Variants in HCN1 observed in about 807,000 individuals in gnomAD.
HCN1 encodes hyperpolarization activated cyclic nucleotide gated potassium channel 1, also known as potassium/sodium hyperpolarization-activated cyclic nucleotide-gated channel 1.
HCN1 carries 13 observed loss-of-function variants against 78.9 expected under a neutral mutation model. The observed-to-expected ratio is 0.16, with a 90% CI of 0.11 to 0.26. The LOEUF (loss-of-function observed/expected upper bound fraction) is 0.26, where lower values mean the gene tolerates loss of function less well. Among genes scored for constraint, HCN1 ranks in the 10% least tolerant of loss-of-function variants. HCN1 has a pLI of 1.00. For synonymous variants in HCN1, 552 were observed against 455.5 expected (o/e 1.21, Z -2.70); for missense variants, 810 against 1,154.3 (o/e 0.70, Z 4.32).
chr5:45,639,759 T>C (rs1745419109), intron 2 of HCN1, among the ~76,000 whole-genome samples: 1 of 152,160 alleles, frequency 6.6e-6, no homozygotes, highest in Non-Finnish European at 1.5e-5. Flanking sequence ...TACAAAAAAA[T>C]GCGAGGAAGT....
chr5:45,577,673 C>G (rs1341999947), intron 2 of HCN1, among the ~76,000 whole-genome samples: 1 of 151,774 alleles, frequency 6.6e-6, no homozygotes, highest in Non-Finnish European at 1.5e-5. Flanking sequence ...GTTATTTTAA[C>G]AACTATATAA....
intron 3 of HCN1, among the ~76,000 whole-genome samples, chr5:45,441,523 T>C (rs939818174): frequency 1.3e-5 from 2 of 152,178 alleles, no homozygotes; most frequent in African/African-American, 4.8e-5. Context: ...GAAGGGGTGT[T>C]ATACCTTGCA....
At chr5:45,373,830 ATCTATAATATATTACATACGGTATATACG>A in intron 4 of HCN1, among the ~76,000 whole-genome samples, 2 of 130,408 alleles carry the variant, frequency 1.5e-5, no homozygotes, top group African/African-American at 5.9e-5. Context: ...TATATACGTC[ATCTATAATATATTACATACGGTATATACG>A]TCATCTATAA....
intron 6 of HCN1, among the ~76,000 whole-genome samples, chr5:45,297,321 G>T (rs937619127): frequency 6.6e-6 from 1 of 152,052 alleles, no homozygotes; most frequent in Non-Finnish European, 1.5e-5. Context: ...GGTGTTCCTT[G>T]TCCTCATTCC....
chr5:45,523,730 C>CT (rs1211212617), intron 2 of HCN1, among the ~76,000 whole-genome samples: 1 of 151,942 alleles, frequency 6.6e-6, no homozygotes, highest in Non-Finnish European at 1.5e-5. Flanking sequence ...TTGTAAATTT[C>CT]TTTGAGTTCA....
chr5:45,658,758 C>A (rs1460299054), intron 1 of HCN1, among the ~76,000 whole-genome samples: 1 of 152,164 alleles, frequency 6.6e-6, no homozygotes, highest in African/African-American at 2.4e-5. Context: ...GCTTAAAAAA[C>A]GGCGCACCAC....
rs1419183053 is a variant in HCN1, at chr5:45,396,473, G to A, written c.1230+19C>T. ...AGGTTAGCTGGTTAAAGACATTGGC[G>A]ATAAATAAAACAAATTACCTTCTCT... is the stretch of plus-strand genomic sequence containing the variant. On this transcript the variant is annotated intron_variant, in intron 4 of 7. Coordinates refer to ENST00000303230, the MANE Select transcript of HCN1 (RefSeq NM_021072.4). 25 of 1,600,662 alleles carry A rather than the reference G, an allele frequency of 1.6e-5. No individual in the cohort carries two copies. The highest frequency in any genetic ancestry group is 2.7e-5 in the African/African-American group (2 of 74,524).
At chr5:45,455,760 CAAAAAAAAAAA>C (rs571706502) in intron 3 of HCN1, among the ~76,000 whole-genome samples, 173 of 59,846 alleles carry the variant, frequency 2.9e-3, no homozygotes, top group Non-Finnish European at 4.7e-3. Flanking sequence ...TTCTGGAACT[CAAAAAAAAAAA>C]AAAAAAAAAA....
chr5:45,372,116 T>TATATATTATATATATATAATATAATA (rs1747396824), intron 4 of HCN1, among the ~76,000 whole-genome samples: 1 of 51,608 alleles, frequency 1.9e-5, no homozygotes, highest in African/African-American at 1.1e-4. Flanking sequence ...ATAATATAAT[T>TATATATTATATATATATAATATAATA]ATATATTATA....
At chr5:45,481,703 C>T (rs764180567) in intron 2 of HCN1, among the ~76,000 whole-genome samples, 19 of 152,142 alleles carry the variant, frequency 1.2e-4, no homozygotes, top group Non-Finnish European at 2.4e-4. Context: ...GACAGACTGG[C>T]TTTCCTCTCT....
chr5:45,309,243 C>T (rs187673666), intron 5 of HCN1, among the ~76,000 whole-genome samples: 2 of 152,238 alleles, frequency 1.3e-5, no homozygotes, highest in Admixed American at 6.6e-5. Flanking sequence ...ACTGAAGTTG[C>T]TTATCAGCTG....
chr5:45,446,377 T>C (rs1411311367), intron 3 of HCN1, among the ~76,000 whole-genome samples: 1 of 152,088 alleles, frequency 6.6e-6, no homozygotes, highest in African/African-American at 2.4e-5. Context: ...CCAAGAAATA[T>C]GGGACTATGT....
At chr5:45,507,921 A>G (rs1050601727) in intron 2 of HCN1, among the ~76,000 whole-genome samples, 3 of 152,116 alleles carry the variant, frequency 2.0e-5, no homozygotes, top group Non-Finnish European at 2.9e-5. Flanking sequence ...TTTCTGACTT[A>G]AAGAGACATA....
At chr5:45,531,517 T>C (rs1363744568) in intron 2 of HCN1, among the ~76,000 whole-genome samples, 1 of 152,152 alleles carries the variant, frequency 6.6e-6, no homozygotes, top group African/African-American at 2.4e-5. Context: ...TCTGTTGTCC[T>C]CAGAATACAA....
chr5:45,609,862 A>AGGTGTGACCAACCTGG (rs1316378405), intron 2 of HCN1, among the ~76,000 whole-genome samples: 1 of 152,150 alleles, frequency 6.6e-6, no homozygotes, highest in African/African-American at 2.4e-5. Flanking sequence ...ATTTCACAGG[A>AGGTGTGACCAACCTGG]GGTGTGACCA....
At chr5:45,575,403 G>T (rs934227973) in intron 2 of HCN1, 1 of 152,104 alleles carries the variant, frequency 6.6e-6, no homozygotes, top group South Asian at 2.1e-4. Context: ...ACACAGGAAG[G>T]GGAACATCAC....
intron 4 of HCN1, among the ~76,000 whole-genome samples, chr5:45,386,606 C>G (rs991866000): frequency 1.3e-5 from 2 of 152,182 alleles, no homozygotes; most frequent in African/African-American, 4.8e-5. Flanking sequence ...TTATTACTAG[C>G]AATCTGAGCT....
At chr5:45,408,095 AC>A (rs1453788861) in intron 3 of HCN1, among the ~76,000 whole-genome samples, 1 of 152,232 alleles carries the variant, frequency 6.6e-6, no homozygotes, top group African/African-American at 2.4e-5. Flanking sequence ...AAGTGTTACT[AC>A]AAAAAAAGTC....
chr5:45,429,219 T>TTA (rs1740414417), intron 3 of HCN1, among the ~76,000 whole-genome samples: 1 of 152,214 alleles, frequency 6.6e-6, no homozygotes, highest in South Asian at 2.1e-4. Flanking sequence ...CCTCTTCTAG[T>TTA]TATACATTAT....
Sources: gnomAD v4.1 joint callset for allele counts (sites outside exome capture counted in the v4.1 genomes callset) on GRCh38, gnomAD v4.1.1 for gene constraint, MANE v1.5 for transcripts, NCBI Gene and HGNC (gene_info 2026-07-23, HGNC 2026-07-21) for gene names.